The following PRKCZ variants were observed in gnomAD, a reference collection of about 807,000 sequenced individuals.
The protein encoded by PRKCZ is protein kinase C zeta.
In PRKCZ, 33 loss-of-function variants were observed where a neutral mutation model predicts 79.5. The observed-to-expected ratio is 0.41, with a 90% CI of 0.31 to 0.55. The LOEUF is 0.55. Among genes scored for constraint, PRKCZ ranks in the 20% least tolerant of loss-of-function variants. PRKCZ has a pLI of 0.19. For synonymous variants in PRKCZ, 342 were observed against 320.9 expected, an observed-to-expected ratio of 1.07 and a Z score of -0.70; for missense variants, 578 against 813.5, an observed-to-expected ratio of 0.71 and a Z score of 3.52.
At chr1:2,073,955 G>T in intron 4 of PRKCZ, 1 of 1,373,914 alleles carries the variant, frequency 7.3e-7, no homozygotes, top group Non-Finnish European at 9.4e-7. Flanking sequence ...CTCCCCCGTG[G>T]ATTTTCCGCG....
intron 10 of PRKCZ, among the ~76,000 whole-genome samples, chr1:2,167,511 A>T (rs1165456160): frequency 6.6e-6 from 1 of 152,160 alleles, no homozygotes; most frequent in Non-Finnish European, 1.5e-5. Flanking sequence ...TCGGGGGGAC[A>T]GGTGGAAGGG....
At chr1:2,116,426 G>A (rs1009349571) in intron 4 of PRKCZ, 3 of 152,200 alleles carry the variant, frequency 2.0e-5, no homozygotes, top group African/African-American at 7.2e-5. Flanking sequence ...TCATTGGGGG[G>A]TCCGTCTTTT....
At chr1:2,159,118 G>A (rs761528462) in intron 10 of PRKCZ, among the ~76,000 whole-genome samples, 4 of 152,134 alleles carry the variant, frequency 2.6e-5, no homozygotes, top group Non-Finnish European at 4.4e-5. Context: ...GTAGAAACGG[G>A]GTGAGCTCCG....
intron 6 of PRKCZ, chr1:2,144,599 G>A (rs1420238562): frequency 1.4e-5 from 18 of 1,332,424 alleles, no homozygotes; most frequent in East Asian, 6.5e-5. Context: ...GACGTGGTAC[G>A]CTCTGCTCAG....
chr1:2,125,808 G>T lies in PRKCZ; in HGVS notation c.335-9454G>T, dbSNP rs1372544818. 6.6e-6 allele frequency among the ~76,000 whole-genome samples: 1 copy of T among 152,230 alleles called. No individual in the cohort carries two copies. The highest frequency in any genetic ancestry group is 2.4e-5 in the African/African-American group (1 of 41,466). ...CAGAGGCTGTCCCTTGGGGGCCCACGCATCCTAGCCACGGCCTCCTCACGT... is the reference window on the plus strand; with the variant it reads ...CAGAGGCTGTCCCTTGGGGGCCCACTCATCCTAGCCACGGCCTCCTCACGT... On this transcript the variant is annotated intron_variant, in intron 4 of 17. Transcript: ENST00000378567. The surrounding 1 kb of genome is among the most constrained non-coding windows in gnomAD (Gnocchi z 4.2).
At chr1:2,131,881 G>A (rs376421861) in intron 4 of PRKCZ, among the ~76,000 whole-genome samples, 3 of 152,306 alleles carry the variant, frequency 2.0e-5, no homozygotes, top group African/African-American at 4.8e-5. Context: ...GCGCGATCGC[G>A]GCTCACTGCA....
chr1:2,143,870 A>T (rs367896250), intron 5 of PRKCZ: 1 of 250,060 alleles, frequency 4.0e-6, no homozygotes, highest in South Asian at 5.2e-5. Flanking sequence ...CGCAGAGCGC[A>T]GCAGGAGCTG....
At chr1:2,132,090 CG>C (rs1260397113) in intron 4 of PRKCZ, among the ~76,000 whole-genome samples, 1 of 152,198 alleles carries the variant, frequency 6.6e-6, no homozygotes, top group Non-Finnish European at 1.5e-5. Context: ...GGATTACAGG[CG>C]GGAGCCACCG....
intron 4 of PRKCZ, among the ~76,000 whole-genome samples, chr1:2,118,363 A>T (rs1273754384): frequency 1.4e-5 from 2 of 140,584 alleles, no homozygotes; most frequent in Admixed American, 7.3e-5. Context: ...TTTGAGACAG[A>T]GTGTCGCTCT....
At chr1:2,155,029 GCCAGAGGCCAGTATACCA>G (rs1680653456) in intron 9 of PRKCZ, among the ~76,000 whole-genome samples, 2 of 152,228 alleles carry the variant, frequency 1.3e-5, no homozygotes, top group African/African-American at 2.4e-5. Context: ...AAGCCTGGAG[GCCAGAGGCCAGTATACCA>G]CCAGAGGCCA....
chr1:2,065,427 C>T (rs1661040388), intron 4 of PRKCZ, among the ~76,000 whole-genome samples: 1 of 152,056 alleles, frequency 6.6e-6, no homozygotes, highest in African/African-American at 2.4e-5. Context: ...GCCTGTAATC[C>T]CAGCACTTTG....
At chr1:2,155,862 G>A (rs140218136) in intron 9 of PRKCZ, 133 bp from the exon 10 acceptor site, 5 of 734,402 alleles carry the variant, frequency 6.8e-6, no homozygotes, top group Middle Eastern at 3.9e-4. Flanking sequence ...TTCCTAATGG[G>A]TGTTTTCTTT....
intron 4 of PRKCZ, among the ~76,000 whole-genome samples, chr1:2,105,410 T>C (rs1557570998): frequency 6.6e-6 from 1 of 152,208 alleles, no homozygotes; most frequent in Non-Finnish European, 1.5e-5. Flanking sequence ...GCCTTATTTA[T>C]TTATTTTTTG....
At chr1:2,060,060 G>A (rs529721308) in intron 4 of PRKCZ, among the ~76,000 whole-genome samples, 3 of 152,340 alleles carry the variant, frequency 2.0e-5, no homozygotes, top group East Asian at 3.9e-4. Flanking sequence ...GGAAGCTTCT[G>A]ACCTCACTTC....
intron 10 of PRKCZ, among the ~76,000 whole-genome samples, chr1:2,160,087 C>T (rs2103342435): frequency 6.6e-6 from 1 of 152,276 alleles, no homozygotes; most frequent in Non-Finnish European, 1.5e-5. Context: ...TACATTCATT[C>T]ACACTCAATG....
chr1:2,086,689 C>T (rs1557526127), intron 4 of PRKCZ, among the ~76,000 whole-genome samples: 1 of 152,190 alleles, frequency 6.6e-6, no homozygotes, highest in Non-Finnish European at 1.5e-5. Flanking sequence ...GCCCGGTGGG[C>T]GGTGGGCCAG....
chr1:2,104,781 C>A lies in PRKCZ; in HGVS notation c.335-30481C>A, dbSNP rs886925349. 7 of 985,822 alleles carry A rather than the reference C, an allele frequency of 7.1e-6. No individual in the cohort carries two copies. The South Asian group carries it at 2.3e-4, about 33-fold the overall frequency. The allele number at this position is 985,822 out of a possible 1,614,324, so 61.1% of individuals were successfully genotyped here. A position where few individuals can be genotyped will look rare whatever the true frequency, so the allele number is the denominator to read the frequency against. On this transcript the variant is annotated intron_variant, in intron 4 of 17. Transcript: ENST00000378567. ...TGGCCTGCGGGGCTCACTGCTGCCC[C>A]CCGGGGCCGAGCACGAAAGGGAGAG... is the stretch of plus-strand genomic sequence containing the variant.
chr1:2,078,648 C>A (rs1377786615), intron 4 of PRKCZ, among the ~76,000 whole-genome samples: 1 of 152,212 alleles, frequency 6.6e-6, no homozygotes, highest in Non-Finnish European at 1.5e-5. Context: ...CTCTGACTCT[C>A]TTTTAGAGTT....
At position 2,177,962 on chromosome 1, in the gene PRKCZ, C is replaced by T. The variant is rs1315694607; in HGVS notation, c.1575+2649C>T. Among the ~76,000 whole-genome samples, 1 of 152,224 alleles carries T rather than the reference C, an allele frequency of 6.6e-6. No homozygotes were observed. The highest frequency in any genetic ancestry group is 1.9e-4 in the East Asian group (1 of 5,200). ...CCCTGCCTCTGCCGTTTCCTTGCCACCCATCAGCTCTTGAGGCTTTTAGGA... is the reference window on the plus strand; with the variant it reads ...CCCTGCCTCTGCCGTTTCCTTGCCATCCATCAGCTCTTGAGGCTTTTAGGA... On this transcript the variant is annotated intron_variant, in intron 16 of 17. Coordinates refer to ENST00000378567, the MANE Select transcript of PRKCZ (RefSeq NM_002744.6). This position sits in a 1 kb window ranked among gnomAD's most constrained non-coding sequence, Gnocchi z 6.4.
Sources: gnomAD v4.1 joint callset for allele counts (sites outside exome capture counted in the v4.1 genomes callset) on GRCh38, gnomAD v4.1.1 for gene constraint, Gnocchi (gnomAD v3.1) non-coding constraint, MANE v1.5 for transcripts, NCBI Gene and HGNC (gene_info 2026-07-23, HGNC 2026-07-21) for gene names.